The following ATAD2B variants were observed in gnomAD, a reference collection of about 807,000 sequenced individuals.
The protein encoded by ATAD2B is ATPase family AAA domain-containing protein 2B.
Under a neutral mutation model 167.6 loss-of-function variants are expected in ATAD2B, and 40 were observed. The ratio of observed to expected loss-of-function variants is 0.24; its 90% CI spans 0.19 to 0.31. The LOEUF is 0.31. Among genes scored for constraint, ATAD2B ranks in the 10% least tolerant of loss-of-function variants. The pLI, the probability that ATAD2B is intolerant of heterozygous loss-of-function variation, is 1.00. For synonymous variants in ATAD2B, 579 were observed against 596.5 expected (o/e 0.97, Z 0.43); for missense variants, 1,242 against 1,757.2 (o/e 0.71, Z 5.24).
chr2:23,773,600 C>T (rs1160100746), intron 22 of ATAD2B, among the ~76,000 whole-genome samples: 1 of 152,168 alleles, frequency 6.6e-6, no homozygotes, highest in African/African-American at 2.4e-5. Context: ...CAGAGACTCA[C>T]TCATCACTTA....
chr2:23,833,019 T>C (rs541132783), intron 14 of ATAD2B, among the ~76,000 whole-genome samples: 50 of 152,356 alleles, frequency 3.3e-4, no homozygotes, highest in Middle Eastern at 6.8e-3. Flanking sequence ...CTATGTTTCC[T>C]GTCCTGACAA....
chr2:23,858,032 C>G (rs1693704864), intron 12 of ATAD2B, among the ~76,000 whole-genome samples: 1 of 151,978 alleles, frequency 6.6e-6, no homozygotes, highest in Non-Finnish European at 1.5e-5. Flanking sequence ...TGTGAGCCAC[C>G]ACACCCGGCC....
chr2:23,849,400 G>A (rs1291607344), intron 13 of ATAD2B, among the ~76,000 whole-genome samples: 1 of 152,200 alleles, frequency 6.6e-6, no homozygotes, highest in Non-Finnish European at 1.5e-5. Context: ...TGCAATAAAT[G>A]TGTATGAAAC....
At chr2:23,863,324 GAAAGA>G (rs1482798324) in intron 12 of ATAD2B, 52 bp downstream of exon 12, 1 of 1,494,662 alleles carries the variant, frequency 6.7e-7, no homozygotes, top group African/African-American at 1.4e-5. Context: ...AAAAAACAAA[GAAAGA>G]AAAGAACAGA....
intron 10 of ATAD2B, 96 bp downstream of exon 10, chr2:23,867,739 A>T: frequency 1.2e-6 from 1 of 832,742 alleles, no homozygotes; most frequent in Non-Finnish European, 1.9e-6. Flanking sequence ...ACACTGTCAT[A>T]TCCGAATTTT....
At chr2:23,904,015 A>G (rs983269394) in intron 1 of ATAD2B, among the ~76,000 whole-genome samples, 4 of 152,010 alleles carry the variant, frequency 2.6e-5, no homozygotes, top group Non-Finnish European at 5.9e-5. Flanking sequence ...GGAGAAGTAT[A>G]ATGCTGAATT....
In ATAD2B at chr2:23,748,923, CA is replaced by C. The variant is rs1235307309; in HGVS notation, c.*3122del. The stretch of plus-strand genomic sequence containing the variant: ...ATTGGACTCCCAAAGTCTAAGTAAC[CA>C]GATGTACAGAATACAAAAGATGCAG... On this transcript the variant is annotated 3_prime_UTR_variant, in exon 28 of 28. Coordinates refer to ENST00000238789, the MANE Select transcript of ATAD2B (RefSeq NM_017552.4). 2.6e-5 allele frequency: 4 copies of C among 151,938 alleles called. No homozygotes were observed. In the East Asian group the frequency reaches 7.7e-4, roughly 29 times the overall value. 9.4% of individuals were successfully genotyped at this position (151,938 alleles called of 1,614,324 possible). A position where few individuals can be genotyped will look rare whatever the true frequency, so the allele number is the denominator to read the frequency against.
At chr2:23,763,673 T>C (rs1677039722) in intron 23 of ATAD2B, among the ~76,000 whole-genome samples, 1 of 152,182 alleles carries the variant, frequency 6.6e-6, no homozygotes, top group South Asian at 2.1e-4. Flanking sequence ...CACTGCAGCC[T>C]CAACCTTCTG....
chr2:23,839,638 T>C (rs1690566461), intron 13 of ATAD2B, among the ~76,000 whole-genome samples: 1 of 152,136 alleles, frequency 6.6e-6, no homozygotes, highest in Admixed American at 6.5e-5. Context: ...GATGTAAAGC[T>C]CTACCAATCT....
At chr2:23,914,969 A>C (rs1702839399) in intron 1 of ATAD2B, among the ~76,000 whole-genome samples, 1 of 152,226 alleles carries the variant, frequency 6.6e-6, no homozygotes, top group African/African-American at 2.4e-5. Flanking sequence ...TCTCAAAGAA[A>C]TTCCCACACC....
chr2:23,812,019 T>C (rs973280433), intron 17 of ATAD2B, among the ~76,000 whole-genome samples: 10 of 152,004 alleles, frequency 6.6e-5, no homozygotes, highest in Non-Finnish European at 1.0e-4. Flanking sequence ...TACAGCACCA[T>C]TAAAATAACA....
At chr2:23,859,583 A>G (rs1488441638) in intron 12 of ATAD2B, among the ~76,000 whole-genome samples, 3 of 148,950 alleles carry the variant, frequency 2.0e-5, no homozygotes, top group African/African-American at 7.3e-5. Flanking sequence ...ATTTTTCTGC[A>G]AAGAGTATCA....
chr2:23,895,129 C>A (rs1184644396), intron 2 of ATAD2B, among the ~76,000 whole-genome samples: 1 of 152,020 alleles, frequency 6.6e-6, no homozygotes, highest in African/African-American at 2.4e-5. Flanking sequence ...TTTAAAGAAC[C>A]CTTTAGTTCC....
At chr2:23,792,405 T>C (rs1377767646) in intron 19 of ATAD2B, among the ~76,000 whole-genome samples, 1 of 151,738 alleles carries the variant, frequency 6.6e-6, no homozygotes, top group Non-Finnish European at 1.5e-5. Context: ...GTCCCCAGTT[T>C]TGAAGGTAGG....
At chr2:23,862,002 A>G (rs111759990) in intron 12 of ATAD2B, among the ~76,000 whole-genome samples, 3 of 152,172 alleles carry the variant, frequency 2.0e-5, no homozygotes, top group African/African-American at 7.2e-5. Flanking sequence ...GGACTTCAAG[A>G]CCAGCCTAGG....
chr2:23,886,151 G>A (rs1698633548), intron 4 of ATAD2B, among the ~76,000 whole-genome samples: 1 of 151,888 alleles, frequency 6.6e-6, no homozygotes, highest in South Asian at 2.1e-4. Context: ...TCACCATGTT[G>A]CCCAGGCTGT....
At chr2:23,911,869 G>A (rs754409629) in intron 1 of ATAD2B, among the ~76,000 whole-genome samples, 58 of 151,814 alleles carry the variant, frequency 3.8e-4, no homozygotes, top group Non-Finnish European at 7.5e-4. Context: ...CAGCTACTCA[G>A]GAGGCTGGGG....
chr2:23,707,983 GGGCAGGAGAATGCTGCC>G, the ATAD2B span: 4 of 152,234 alleles, frequency 2.6e-5, no homozygotes, highest in Non-Finnish European at 5.9e-5. Flanking sequence ...TTCCATTCCA[GGGCAGGAGAATGCTGCC>G]GCCACTGCGC....
the ATAD2B span, chr2:23,695,773 G>A: frequency 3.9e-6 from 6 of 1,551,100 alleles, no homozygotes; most frequent in East Asian, 2.4e-5. This position sits in a 1 kb window ranked among gnomAD's most constrained non-coding sequence, Gnocchi z 7.6. Flanking sequence ...GCTGCCCCAC[G>A]CCCGCCAGGA....
Sources: allele counts gnomAD v4.1 joint callset (sites outside exome capture counted in the v4.1 genomes callset), GRCh38; gene constraint gnomAD v4.1.1; non-coding constraint Gnocchi (gnomAD v3.1); transcripts MANE v1.5; gene names NCBI Gene and HGNC (gene_info 2026-07-23, HGNC 2026-07-21).